Variants in CYREN observed in about 807,000 individuals in gnomAD.
The protein encoded by CYREN is cell cycle regulator of NHEJ.
In CYREN, 7 loss-of-function variants were observed where a neutral mutation model predicts 9.7. That is an observed-to-expected ratio of 0.72 (90% confidence interval 0.41 to 1.36). CYREN has a LOEUF of 1.36. CYREN is among the 40% of genes most tolerant of loss of function. The pLI is 0.01. For synonymous variants in CYREN, 76 were observed against 77.9 expected (o/e 0.98, Z 0.13); for missense variants, 215 against 198.1 (o/e 1.09, Z -0.51).
intron 2 of CYREN, among the ~76,000 whole-genome samples, chr7:135,127,981 A>G (rs951115062): frequency 1.3e-5 from 2 of 152,158 alleles, no homozygotes; most frequent in Non-Finnish European, 2.9e-5. Context: ...ACACCATGGA[A>G]TACTATGCAG....
chr7:135,158,656 C>G (rs1234100406), intron 2 of CYREN, among the ~76,000 whole-genome samples: 1 of 152,196 alleles, frequency 6.6e-6, no homozygotes, highest in East Asian at 1.9e-4. Flanking sequence ...CAAAATGCTA[C>G]CTTGGGCCTG....
chr7:135,172,257 C>T (rs1408274046), upstream of CYREN, among the ~76,000 whole-genome samples: 1 of 152,244 alleles, frequency 6.6e-6, no homozygotes, highest in Non-Finnish European at 1.5e-5. Context: ...CCTGATCACC[C>T]ACAGCATGCC....
intron 2 of CYREN, among the ~76,000 whole-genome samples, chr7:135,140,932 T>C (rs1289448620): frequency 1.3e-5 from 2 of 152,142 alleles, no homozygotes; most frequent in Non-Finnish European, 2.9e-5. Context: ...GATTAGCTTT[T>C]TGATGTGCTG....
chr7:135,115,006 C>T (rs1046416547), intron 2 of CYREN, among the ~76,000 whole-genome samples: 1 of 152,184 alleles, frequency 6.6e-6, no homozygotes, highest in East Asian at 1.9e-4. Context: ...TTCTTGAACA[C>T]ACTACTATTC....
chr7:135,125,374 A>T (rs371590889), intron 2 of CYREN, among the ~76,000 whole-genome samples: 1 of 152,186 alleles, frequency 6.6e-6, no homozygotes, highest in African/African-American at 2.4e-5. Flanking sequence ...GACCAATAGC[A>T]AGTTCTGAAA....
chr7:135,115,542 C>T (rs1277120038), intron 2 of CYREN: 1 of 1,551,420 alleles, frequency 6.4e-7, no homozygotes, highest in Non-Finnish European at 8.7e-7. Flanking sequence ...GTGCATAGCA[C>T]TAAAAACATG....
chr7:135,169,240 C>G (rs1021278502), intron 1 of CYREN, 180 bp from the exon 2 acceptor site: 3 of 203,460 alleles, frequency 1.5e-5, no homozygotes, highest in Admixed American at 6.0e-5. Flanking sequence ...CCTCTGACCT[C>G]CCCAAAGCTG....
intron 2 of CYREN, among the ~76,000 whole-genome samples, chr7:135,110,553 C>T (rs1284497029): frequency 6.6e-6 from 1 of 152,208 alleles, no homozygotes; most frequent in Non-Finnish European, 1.5e-5. Context: ...GGGTCCCCAT[C>T]ATCACTCACT....
rs377428014 is a variant in CYREN at position 135,119,864 on chromosome 7, G to A, written n.357-25282C>T. Among the ~76,000 whole-genome samples, 206 of 152,130 alleles carry A rather than the reference G, an allele frequency of 1.4e-3. 3 individuals carry two copies. The South Asian group carries it at 0.038, about 28-fold the overall frequency. On this transcript the variant is annotated intron_variant and non_coding_transcript_variant, in intron 2 of 2. Transcript: ENST00000459937. The stretch of plus-strand genomic sequence containing the variant: ...TGCACTCCAGCCTGGGTGACAGAGC[G>A]AGACTCCGTCTCAAAAAATAAAAAA...
At chr7:135,152,432 T>A (rs921881296) in intron 2 of CYREN, among the ~76,000 whole-genome samples, 1 of 152,250 alleles carries the variant, frequency 6.6e-6, no homozygotes, top group Non-Finnish European at 1.5e-5. Context: ...GGCTCCATCA[T>A]TCACTGGCTG....
intron 2 of CYREN, among the ~76,000 whole-genome samples, chr7:135,125,970 T>C (rs1827816547): frequency 6.6e-6 from 1 of 152,168 alleles, no homozygotes; most frequent in Non-Finnish European, 1.5e-5. Context: ...CACATTCCCT[T>C]TGAAAACCAG....
intron 2 of CYREN, among the ~76,000 whole-genome samples, chr7:135,143,907 C>G (rs1044528464): frequency 6.6e-6 from 1 of 152,194 alleles, no homozygotes; most frequent in Admixed American, 6.5e-5. Context: ...CACTCCTTCC[C>G]TTCCCCCATG....
rs1356571921 is a variant in CYREN at position 135,115,574 on chromosome 7, C to G, written n.357-20992G>C. On this transcript the variant is annotated intron_variant and non_coding_transcript_variant, in intron 2 of 2. Coordinates refer to the CYREN transcript ENST00000459937. ...CATGCAAACCACTCAGATAAAACAG[C>G]TATTCAATCCAAGAACCAACTTCCA... The G allele has an allele frequency of 2.6e-6, 4 of 1,550,926 alleles. No homozygotes were observed. In the African/African-American group the frequency reaches 5.5e-5, roughly 21 times the overall value.
At chr7:135,144,421 G>A (rs1185710364) in intron 2 of CYREN, among the ~76,000 whole-genome samples, 1 of 152,156 alleles carries the variant, frequency 6.6e-6, no homozygotes, top group African/African-American at 2.4e-5. Context: ...GTTTGGAACA[G>A]AGTGTGGGGA....
At position 135,169,024 on chromosome 7, in the gene CYREN, G is replaced by C; in HGVS notation, c.-102C>G. ...TTCTCTCGTCACACCCGGAATTACAGGTCCATTTGTCCTCAGTGGGAGTTG... is the reference window on the plus strand; with the variant it reads ...TTCTCTCGTCACACCCGGAATTACACGTCCATTTGTCCTCAGTGGGAGTTG... On this transcript the variant is annotated 5_prime_UTR_variant, in exon 2 of 4. Transcript: ENST00000393114. 1 of 1,151,346 alleles carries C rather than the reference G, an allele frequency of 8.7e-7. No homozygotes were observed. Among genetic ancestry groups the C allele is most frequent in the South Asian group, 1.6e-5 (1 of 61,860 alleles). 71.3% of individuals were successfully genotyped at this position (1,151,346 alleles called of 1,614,324 possible).
chr7:135,129,165 T>G, intron 2 of CYREN: 4 of 1,455,358 alleles, frequency 2.7e-6, no homozygotes, highest in Non-Finnish European at 3.9e-6. Context: ...CCAGTCCACC[T>G]TGGACCTGAT....
rs114613606 is a variant in CYREN, at chr7:135,145,232, G to A, written n.356+23517C>T. 1.5e-3 allele frequency among the ~76,000 whole-genome samples: 233 copies of A among 152,214 alleles called. 1 individual carries two copies. The highest frequency in any genetic ancestry group is 5.4e-3 in the African/African-American group (225 of 41,496). ...TTTTTAACCTAAAATTTTATATTCA[G>A]TCTAAATTTGATCACATTTGAATAG... On this transcript the variant is annotated intron_variant and non_coding_transcript_variant, in intron 2 of 2. Transcript: ENST00000459937.
At chr7:135,155,842 C>A (rs1275703411) in intron 2 of CYREN, among the ~76,000 whole-genome samples, 6 of 152,182 alleles carry the variant, frequency 3.9e-5, no homozygotes, top group Admixed American at 1.3e-4. Flanking sequence ...CAAAGCAAGA[C>A]CCTCTATCAA....
intron 2 of CYREN, among the ~76,000 whole-genome samples, chr7:135,129,996 G>A (rs1828501136): frequency 1.3e-5 from 2 of 152,154 alleles, no homozygotes; most frequent in South Asian, 4.1e-4. Context: ...CCTTCCCCAA[G>A]CTTTACATAA....
Sources: allele counts gnomAD v4.1 joint callset (sites outside exome capture counted in the v4.1 genomes callset), GRCh38; gene constraint gnomAD v4.1.1; transcripts MANE v1.5; gene names NCBI Gene and HGNC (gene_info 2026-07-23, HGNC 2026-07-21).